Variants in FOXJ3 observed in about 807,000 individuals in gnomAD.
FOXJ3 encodes the protein forkhead box J3.
FOXJ3 carries 22 observed loss-of-function variants against 76.1 expected under a neutral mutation model. The ratio of observed to expected loss-of-function variants is 0.29; its 90% CI spans 0.21 to 0.41. FOXJ3 has a LOEUF of 0.41. FOXJ3 is among the 10% of genes least tolerant of loss of function. The pLI is 1.00. For synonymous variants in FOXJ3, 269 were observed against 261.2 expected (o/e 1.03, Z -0.29); for missense variants, 613 against 762.1 (o/e 0.80, Z 2.30).
intron 2 of FOXJ3, among the ~76,000 whole-genome samples, chr1:42,306,209 T>C (rs1486068475): frequency 6.6e-6 from 1 of 151,782 alleles, no homozygotes; most frequent in Non-Finnish European, 1.5e-5. Flanking sequence ...ATCCATCTTA[T>C]CCAAACTCAG....
intron 11 of FOXJ3, among the ~76,000 whole-genome samples, chr1:42,187,920 A>G (rs1646469330): frequency 6.6e-6 from 1 of 152,208 alleles, no homozygotes; most frequent in African/African-American, 2.4e-5. Flanking sequence ...ACATCAAAGG[A>G]TACAGGAATA....
intron 2 of FOXJ3, among the ~76,000 whole-genome samples, chr1:42,298,508 G>C (rs1357005664): frequency 6.6e-6 from 1 of 152,038 alleles, no homozygotes; most frequent in Non-Finnish European, 1.5e-5. Context: ...TGTGGTGTCA[G>C]GTGTAATGCT....
intron 1 of FOXJ3, among the ~76,000 whole-genome samples, chr1:42,318,400 G>A (rs1279433823): frequency 1.3e-5 from 2 of 152,176 alleles, no homozygotes; most frequent in Non-Finnish European, 2.9e-5. Context: ...GGAGTGCAGT[G>A]GAGTGATCTT....
intron 4 of FOXJ3, among the ~76,000 whole-genome samples, chr1:42,242,081 A>G (rs531503423): frequency 2.0e-5 from 3 of 152,212 alleles, no homozygotes; most frequent in Admixed American, 1.3e-4. Flanking sequence ...AAAGTGTTCT[A>G]TGTGACAGAC....
chr1:42,280,080 T>A (rs555801876), intron 2 of FOXJ3, among the ~76,000 whole-genome samples: 28 of 152,230 alleles, frequency 1.8e-4, no homozygotes, highest in African/African-American at 6.7e-4. Flanking sequence ...CCCAGTTTCC[T>A]CATCTGTAAA....
At chr1:42,303,590 A>G (rs1239328559) in intron 2 of FOXJ3, among the ~76,000 whole-genome samples, 4 of 152,218 alleles carry the variant, frequency 2.6e-5, no homozygotes, top group Non-Finnish European at 5.9e-5. Flanking sequence ...AACTATTTCT[A>G]TGTGTTCCCT....
At chr1:42,224,551 G>T (rs992493679) in intron 5 of FOXJ3, among the ~76,000 whole-genome samples, 23 of 152,022 alleles carry the variant, frequency 1.5e-4, no homozygotes, top group African/African-American at 5.5e-4. Context: ...TACTCGGAGG[G>T]GCTAAGGCAG....
chr1:42,301,724 ATGTG>A (rs1049250558), intron 2 of FOXJ3, among the ~76,000 whole-genome samples: 17 of 151,864 alleles, frequency 1.1e-4, no homozygotes, highest in African/African-American at 4.1e-4. Flanking sequence ...TGTTTTTCTG[ATGTG>A]TGTGTGTTTT....
chr1:42,307,515 A>T (rs1429728269), intron 2 of FOXJ3, among the ~76,000 whole-genome samples: 2 of 152,154 alleles, frequency 1.3e-5, no homozygotes, highest in Non-Finnish European at 2.9e-5. Flanking sequence ...ATTTATATCT[A>T]GTTATCAATT....
At chr1:42,306,242 C>G (rs548390214) in intron 2 of FOXJ3, among the ~76,000 whole-genome samples, 178 of 148,856 alleles carry the variant, frequency 1.2e-3, no homozygotes, top group African/African-American at 4.0e-3. Flanking sequence ...TTCTGCTAAA[C>G]TTTTAAGATT....
intron 6 of FOXJ3, among the ~76,000 whole-genome samples, chr1:42,200,979 T>G (rs573270208): frequency 6.6e-6 from 1 of 152,340 alleles, no homozygotes; most frequent in East Asian, 1.9e-4. Flanking sequence ...TATGTCATTT[T>G]CTTTCAGTAA....
intron 5 of FOXJ3, among the ~76,000 whole-genome samples, chr1:42,207,678 C>A (rs1169325358): frequency 1.3e-5 from 2 of 152,176 alleles, no homozygotes; most frequent in African/African-American, 4.8e-5. Flanking sequence ...AGCAATTTCA[C>A]CAAGACACAT....
At chr1:42,297,371 A>G (rs1016691171) in intron 2 of FOXJ3, among the ~76,000 whole-genome samples, 4 of 152,108 alleles carry the variant, frequency 2.6e-5, no homozygotes, top group Non-Finnish European at 5.9e-5. Context: ...AATGTTTTCA[A>G]CTTCTCCCTT....
At chr1:42,324,790 A>T (rs1655730007) in intron 1 of FOXJ3, among the ~76,000 whole-genome samples, 1 of 152,214 alleles carries the variant, frequency 6.6e-6, no homozygotes, top group South Asian at 2.1e-4. Context: ...AGGACACTTA[A>T]CAATGAATGG....
intron 4 of FOXJ3, among the ~76,000 whole-genome samples, chr1:42,238,199 A>C (rs1011765271): frequency 2.0e-5 from 3 of 151,684 alleles, no homozygotes; most frequent in Admixed American, 6.6e-5. Context: ...TGCCTGGTTA[A>C]TTTTTCTATA....
At chr1:42,304,011 A>G (rs2124739849) in intron 2 of FOXJ3, among the ~76,000 whole-genome samples, 1 of 152,284 alleles carries the variant, frequency 6.6e-6, no homozygotes. Flanking sequence ...ATATGATCTT[A>G]TATTTGGAAA....
chr1:42,291,009 T>A (rs1392506338), intron 2 of FOXJ3, among the ~76,000 whole-genome samples: 2 of 147,056 alleles, frequency 1.4e-5, no homozygotes, highest in African/African-American at 5.1e-5. Flanking sequence ...CAGAACAGAG[T>A]CCAAGAAAAG....
At chr1:42,186,537 A>T (rs527460961) in intron 11 of FOXJ3, among the ~76,000 whole-genome samples, 1 of 152,232 alleles carries the variant, frequency 6.6e-6, no homozygotes, top group Admixed American at 6.5e-5. Context: ...GACAGAAAAA[A>T]TTAACAGAAT....
intron 2 of FOXJ3, chr1:42,280,235 C>G (rs1310939699): frequency 3.6e-5 from 33 of 913,270 alleles, no homozygotes; most frequent in Non-Finnish European, 4.3e-5. Context: ...TAAAGTAAAC[C>G]ACATTAAGCA....
Sources: gnomAD v4.1 joint callset for allele counts (sites outside exome capture counted in the v4.1 genomes callset) on GRCh38, gnomAD v4.1.1 for gene constraint, MANE v1.5 for transcripts, NCBI Gene and HGNC (gene_info 2026-07-23, HGNC 2026-07-21) for gene names.